RBFOX1: variants seen among roughly 807,000 people sequenced by gnomAD.
The protein encoded by RBFOX1 is RNA binding fox-1 homolog 1.
Under a neutral mutation model 57.7 loss-of-function variants are expected in RBFOX1, and 8 were observed. That is an observed-to-expected ratio of 0.14 (90% CI 0.08 to 0.25). The LOEUF (loss-of-function observed/expected upper bound fraction) is 0.25, where lower values mean the gene tolerates loss of function less well. RBFOX1 is among the 10% of genes least tolerant of loss of function. The pLI is 1.00. For synonymous variants in RBFOX1, 326 were observed against 222.4 expected (o/e 1.47, Z -4.15); for missense variants, 611 against 548.5 (o/e 1.11, Z -1.14).
chr16:7,472,779 A>G (rs1319071437), intron 4 of RBFOX1, among the ~76,000 whole-genome samples: 1 of 152,250 alleles, frequency 6.6e-6, no homozygotes, highest in Non-Finnish European at 1.5e-5. Flanking sequence ...TAAAAGTTAC[A>G]GAAAGTATAC....
intron 4 of RBFOX1, among the ~76,000 whole-genome samples, chr16:7,342,104 A>G (rs1231011527): frequency 6.6e-6 from 1 of 152,028 alleles, no homozygotes; most frequent in African/African-American, 2.4e-5. Context: ...AGCACAGTTA[A>G]ATTTGAAAAG....
intron 3 of RBFOX1, among the ~76,000 whole-genome samples, chr16:6,919,224 C>T (rs138037291): frequency 3.9e-5 from 6 of 151,998 alleles, no homozygotes; most frequent in East Asian, 1.9e-4. Flanking sequence ...CTCAGGTGAT[C>T]CGCCCGCCTC....
chr16:7,625,318 C>A (rs1312620658), intron 10 of RBFOX1, among the ~76,000 whole-genome samples: 1 of 152,110 alleles, frequency 6.6e-6, no homozygotes, highest in Non-Finnish European at 1.5e-5. Context: ...AGCTTGCCCA[C>A]CCAGCCCTTC....
chr16:5,811,937 C>A (rs1176569012), intron 3 of RBFOX1, among the ~76,000 whole-genome samples: 1 of 152,196 alleles, frequency 6.6e-6, no homozygotes, highest in Admixed American at 6.5e-5. Context: ...TCTCCCTCAA[C>A]CTCCAGCTCC....
chr16:6,208,083 A>G (rs1598373159), intron 1 of RBFOX1, among the ~76,000 whole-genome samples: 1 of 151,972 alleles, frequency 6.6e-6, no homozygotes, highest in Non-Finnish European at 1.5e-5. Context: ...GGCGGTCAAC[A>G]GTTCCTTTAA....
intron 3 of RBFOX1, among the ~76,000 whole-genome samples, chr16:6,730,867 C>T (rs529264907): frequency 1.3e-5 from 2 of 152,298 alleles, no homozygotes; most frequent in African/African-American, 4.8e-5. Context: ...TCCCAGACCC[C>T]ACCCTGCTTC....
chr16:6,333,797 T>C (rs1285583763), intron 2 of RBFOX1, among the ~76,000 whole-genome samples: 1 of 152,194 alleles, frequency 6.6e-6, no homozygotes, highest in African/African-American at 2.4e-5. Flanking sequence ...ACAAAGATAC[T>C]TGTCATCTGT....
intron 1 of RBFOX1, among the ~76,000 whole-genome samples, chr16:5,354,782 G>C (rs1247288698): frequency 2.6e-5 from 4 of 152,244 alleles, no homozygotes; most frequent in African/African-American, 9.6e-5. Flanking sequence ...GCTGGAGGGA[G>C]TGGAGACACC....
rs183188854 is a variant in RBFOX1 at position 5,800,216 on chromosome 16, C to T, written c.319-67087C>T. Among the ~76,000 whole-genome samples the T allele has an allele frequency of 3.2e-4, 48 of 152,224 alleles. 1 individual carries two copies. In the East Asian group the frequency reaches 6.2e-3, roughly 20 times the overall value. On this transcript the variant is annotated intron_variant, in intron 3 of 19. Coordinates refer to the RBFOX1 transcript ENST00000641259. ...GGAAGGGGAAGTATACACCCAAGGG[C>T]CACAGGTGATGCTCTGGCATGTCCA...
chr16:5,641,309 C>G (rs952098774), intron 3 of RBFOX1, among the ~76,000 whole-genome samples: 1 of 152,218 alleles, frequency 6.6e-6, no homozygotes, highest in Non-Finnish European at 1.5e-5. Flanking sequence ...AGGGAAAAGA[C>G]AAAGTCTCTG....
intron 1 of RBFOX1, among the ~76,000 whole-genome samples, chr16:6,209,214 T>G (rs755083512): frequency 9.2e-5 from 14 of 152,172 alleles, no homozygotes; most frequent in Non-Finnish European, 1.2e-4. Flanking sequence ...CTGGAGAATG[T>G]GAAGGCATCT....
intron 3 of RBFOX1, among the ~76,000 whole-genome samples, chr16:6,703,358 G>C (rs548687056): frequency 6.8e-4 from 104 of 152,204 alleles, no homozygotes; most frequent in African/African-American, 2.3e-3. Flanking sequence ...AGGTTTGCTT[G>C]AGCCCAGGGG....
intron 1 of RBFOX1, among the ~76,000 whole-genome samples, chr16:6,195,546 C>T (rs1162757741): frequency 6.6e-6 from 1 of 152,026 alleles, no homozygotes; most frequent in South Asian, 2.1e-4. Context: ...GGAGAAACCC[C>T]ATGTCTACTA....
intron 4 of RBFOX1, among the ~76,000 whole-genome samples, chr16:7,063,614 C>G: frequency 6.6e-6 from 1 of 152,282 alleles, no homozygotes; most frequent in East Asian, 1.9e-4. Context: ...TTTGATGTCT[C>G]AGCCTTATCC....
chr16:5,542,200 C>T (rs1023782208), intron 2 of RBFOX1, among the ~76,000 whole-genome samples: 1 of 151,370 alleles, frequency 6.6e-6, no homozygotes, highest in Non-Finnish European at 1.5e-5. Context: ...TATGCGCACT[C>T]AAGAATTGCT....
rs866761060 is a variant in RBFOX1 at position 5,698,261 on chromosome 16, T to G, written c.318+99300T>G. 1.1e-4 allele frequency among the ~76,000 whole-genome samples: 17 copies of G among 152,288 alleles called. No individual in the cohort carries two copies. The Middle Eastern group carries it at 0.01, about 91-fold the overall frequency. On this transcript the variant is annotated intron_variant, in intron 3 of 19. Transcript: ENST00000641259. ...ATACTACCCCCAGTGAGTCATGACT[T>G]TCTTTTTATATTCACTGAAAAAAAT... is the stretch of plus-strand genomic sequence containing the variant.
intron 3 of RBFOX1, among the ~76,000 whole-genome samples, chr16:6,868,154 A>T (rs2060255985): frequency 6.6e-6 from 1 of 152,222 alleles, no homozygotes; most frequent in Non-Finnish European, 1.5e-5. Flanking sequence ...GCAAATAATT[A>T]TTCCTATATT....
At chr16:7,367,996 G>T (rs893909997) in intron 4 of RBFOX1, among the ~76,000 whole-genome samples, 1 of 152,120 alleles carries the variant, frequency 6.6e-6, no homozygotes, top group Non-Finnish European at 1.5e-5. Context: ...GCCAGGCATG[G>T]TGTCTTATGC....
intron 4 of RBFOX1, among the ~76,000 whole-genome samples, chr16:5,977,378 T>C (rs756439252): frequency 6.6e-6 from 1 of 152,108 alleles, no homozygotes; most frequent in Non-Finnish European, 1.5e-5. Context: ...CTGCCCTCCA[T>C]GGTCACTGTG....
Sources: allele counts gnomAD v4.1 joint callset (sites outside exome capture counted in the v4.1 genomes callset), GRCh38; gene constraint gnomAD v4.1.1; transcripts MANE v1.5; gene names NCBI Gene and HGNC (gene_info 2026-07-23, HGNC 2026-07-21).